Variants in CHL1 observed in about 807,000 individuals in gnomAD.
The protein encoded by CHL1 is neural cell adhesion molecule L1-like protein.
In CHL1, 96 loss-of-function variants were observed where a neutral mutation model predicts 141.9. The ratio of observed to expected loss-of-function variants is 0.68; its 90% CI spans 0.57 to 0.80. The LOEUF (loss-of-function observed/expected upper bound fraction) is 0.80. Among genes scored for constraint, CHL1 ranks in the 30% least tolerant of loss-of-function variants. The probability of loss-of-function intolerance (pLI) is 0.00; values close to 1 mark genes in which losing one functional copy is unlikely to be tolerated. For missense variants in CHL1, 1,820 were observed against 1,457.2 expected (o/e 1.25, Z -4.05); for synonymous variants, 613 against 502.2 (o/e 1.22, Z -2.95).
intron 19 of CHL1, among the ~76,000 whole-genome samples, chr3:385,334 T>C (rs151076035): frequency 1.3e-5 from 2 of 152,298 alleles, no homozygotes; most frequent in Non-Finnish European, 2.9e-5. Context: ...GGTGTCAGTC[T>C]TATATGTCAT....
At chr3:208,827 C>T (rs1218300944) in intron 1 of CHL1, among the ~76,000 whole-genome samples, 1 of 152,082 alleles carries the variant, frequency 6.6e-6, no homozygotes, top group African/African-American at 2.4e-5. Flanking sequence ...AGGATAGTTT[C>T]TTAGTTAGTA....
intron 5 of CHL1, among the ~76,000 whole-genome samples, chr3:339,672 G>A (rs537298640): frequency 6.6e-6 from 1 of 152,288 alleles, no homozygotes; most frequent in Admixed American, 6.5e-5. Flanking sequence ...CTGGTGCATC[G>A]ATAAGAGAAA....
intron 2 of CHL1, among the ~76,000 whole-genome samples, chr3:276,612 G>C (rs1316355250): frequency 4.6e-5 from 7 of 152,016 alleles, no homozygotes; most frequent in Non-Finnish European, 1.0e-4. Context: ...CTCTGGGGCT[G>C]GGCACGGTGG....
intron 1 of CHL1, among the ~76,000 whole-genome samples, chr3:209,513 G>T (rs1451739783): frequency 6.6e-6 from 1 of 152,082 alleles, no homozygotes; most frequent in African/African-American, 2.4e-5. Context: ...CCTTCCTAGT[G>T]GTCTAGTTGT....
intron 2 of CHL1, among the ~76,000 whole-genome samples, chr3:289,288 A>C (rs1697448632): frequency 6.6e-6 from 1 of 152,172 alleles, no homozygotes; most frequent in African/African-American, 2.4e-5. Flanking sequence ...ATCATATTTA[A>C]TTTTGTGCTC....
intron 2 of CHL1, among the ~76,000 whole-genome samples, chr3:289,241 T>C (rs940443264): frequency 1.3e-5 from 2 of 152,210 alleles, no homozygotes; most frequent in South Asian, 4.1e-4. Context: ...CAAAGTTAGA[T>C]TTATTGGTTT....
chr3:328,466 G>A, intron 5 of CHL1, 112 bp downstream of exon 5: 1 of 859,440 alleles, frequency 1.2e-6, no homozygotes. Context: ...CAACTTATAT[G>A]TGTCTTGTAT....
At chr3:236,238 C>A (rs1691969079) in intron 1 of CHL1, among the ~76,000 whole-genome samples, 1 of 152,178 alleles carries the variant, frequency 6.6e-6, no homozygotes, top group Non-Finnish European at 1.5e-5. Context: ...AGTTAACTAA[C>A]TTTCCCAAAG....
chr3:215,211 A>G (rs1700217692), intron 1 of CHL1, among the ~76,000 whole-genome samples: 1 of 152,230 alleles, frequency 6.6e-6, no homozygotes, highest in Non-Finnish European at 1.5e-5. Flanking sequence ...GTATATATAC[A>G]CAATTGAATA....
In CHL1 at chr3:407,195, T is replaced by C. The variant is rs1400023856; in HGVS notation, c.*1484T>C. On this transcript the variant is annotated 3_prime_UTR_variant, in exon 28 of 28. Coordinates refer to ENST00000256509, the MANE Select transcript of CHL1 (RefSeq NM_006614.4). Reference sequence around the variant, plus strand: ...TTTTTTTAACCTTACCACGAAATACTTAACTACTGTTTAAGTGAATTGACT... The same window carrying C: ...TTTTTTTAACCTTACCACGAAATACCTAACTACTGTTTAAGTGAATTGACT... 6.6e-6 allele frequency: 1 copy of C among 152,182 alleles called. No individual in the cohort carries two copies. Among genetic ancestry groups the C allele is most frequent in the Non-Finnish European group, 1.5e-5 (1 of 68,024 alleles). The allele number at this position is 152,182 out of a possible 1,614,324, so 9.4% of individuals were successfully genotyped here.
chr3:331,267 C>G (rs1473412953), intron 5 of CHL1, among the ~76,000 whole-genome samples: 2 of 151,998 alleles, frequency 1.3e-5, no homozygotes, highest in East Asian at 1.9e-4. Flanking sequence ...CTCTCCAGGT[C>G]AGGCTGGAGT....
At position 405,737 on chromosome 3, in the gene CHL1, T is replaced by C. The variant is rs768360924; in HGVS notation, c.*26T>C. The C allele has an allele frequency of 1.3e-6, 2 of 1,532,386 alleles. No homozygotes were observed. Among genetic ancestry groups the C allele is most frequent in the South Asian group, 2.2e-5 (2 of 89,334 alleles). 94.9% of individuals were successfully genotyped at this position (1,532,386 alleles called of 1,614,324 possible). ...ACACAACATATGTAAGCAACGCTAC[T>C]GGTTCACCCCAACCTTCCATATTTA... On this transcript the variant is annotated 3_prime_UTR_variant, in exon 28 of 28. Transcript: ENST00000256509.
intron 1 of CHL1, among the ~76,000 whole-genome samples, chr3:239,410 CT>C (rs1382413612): frequency 2.6e-5 from 4 of 152,010 alleles, no homozygotes; most frequent in Non-Finnish European, 4.4e-5. Context: ...CTGTCTGTCC[CT>C]TTTTTCTCTG....
intron 9 of CHL1, among the ~76,000 whole-genome samples, chr3:348,855 C>T (rs746924573): frequency 6.6e-6 from 1 of 152,170 alleles, no homozygotes; most frequent in Non-Finnish European, 1.5e-5. Flanking sequence ...CCAGCTTTCA[C>T]GCAGGAGCCC....
intron 2 of CHL1, among the ~76,000 whole-genome samples, chr3:259,115 A>G (rs1574885787): frequency 6.6e-6 from 1 of 150,942 alleles, no homozygotes. Context: ...TAGAGAGAGA[A>G]TTTCACCACA....
chr3:389,410 G>C lies in CHL1; in HGVS notation c.2406G>C (p.Gln802His). The C allele has an allele frequency of 6.2e-7, 1 of 1,614,208 alleles. No homozygotes were observed. The highest frequency in any genetic ancestry group is 8.5e-7 in the Non-Finnish European group (1 of 1,180,042). ...ATGCCCCTTATGATGTCAAGGTCCA[G>C]GCTATCAATCAACTAGGATCTGGGC... ...AVYAPYDVKV[Q>H]AINQLGSGPD... Residue 802 changes from glutamine (Q) to histidine (H), a missense_variant, in exon 20 of 28, where the codon CAG becomes CAC. Gln to His is a conservative substitution (Grantham distance 24). Transcript: ENST00000256509.
intron 2 of CHL1, among the ~76,000 whole-genome samples, chr3:281,705 A>T (rs1274582982): frequency 2.0e-5 from 3 of 151,936 alleles, no homozygotes; most frequent in Admixed American, 1.3e-4. Context: ...GATTACAGGC[A>T]CATGCCACCA....
At chr3:272,973 T>A (rs2125252987) in intron 2 of CHL1, among the ~76,000 whole-genome samples, 1 of 152,334 alleles carries the variant, frequency 6.6e-6, no homozygotes, top group South Asian at 2.1e-4. Flanking sequence ...GGATCATTCC[T>A]ATTAAGCTGG....
intron 1 of CHL1, among the ~76,000 whole-genome samples, chr3:223,283 G>A (rs1046671311): frequency 6.6e-6 from 1 of 152,144 alleles, no homozygotes; most frequent in African/African-American, 2.4e-5. Flanking sequence ...TGATACTTAA[G>A]TGAAGTGTTA....
Sources: gnomAD v4.1 joint callset for allele counts (sites outside exome capture counted in the v4.1 genomes callset) on GRCh38, gnomAD v4.1.1 for gene constraint, MANE v1.5 for transcripts, NCBI Gene and HGNC (gene_info 2026-07-23, HGNC 2026-07-21) for gene names.